Variants in CNTN1 observed in about 807,000 individuals in gnomAD.
The protein encoded by CNTN1 is contactin-1.
In CNTN1, 38 loss-of-function variants were observed where a neutral mutation model predicts 126.4. The observed-to-expected ratio is 0.30, with a 90% CI of 0.23 to 0.39. The LOEUF is 0.39. Ranked by LOEUF, CNTN1 falls within the 10% of genes least tolerant of loss-of-function variation. CNTN1 has a pLI of 1.00. For missense variants in CNTN1, 1,009 were observed against 1,248.4 expected, an observed-to-expected ratio of 0.81 and a Z score of 2.89; for synonymous variants, 413 against 422.6, an observed-to-expected ratio of 0.98 and a Z score of 0.28.
chr12:40,780,384 C>G (rs868721143), intron 1 of CNTN1, among the ~76,000 whole-genome samples: 1 of 151,640 alleles, frequency 6.6e-6, no homozygotes, highest in Non-Finnish European at 1.5e-5. Flanking sequence ...TCAAAATATT[C>G]GAGAAGAAAA....
chr12:40,808,161 A>G (rs988260691), intron 1 of CNTN1, among the ~76,000 whole-genome samples: 2 of 152,206 alleles, frequency 1.3e-5, no homozygotes, highest in Admixed American at 1.3e-4. Flanking sequence ...TTGCCTATCC[A>G]TACTGGAACA....
intron 1 of CNTN1, among the ~76,000 whole-genome samples, chr12:40,776,366 T>C (rs995034730): frequency 6.6e-6 from 1 of 151,664 alleles, no homozygotes; most frequent in Admixed American, 6.6e-5. Flanking sequence ...GTGCAAATTA[T>C]ATATCAATAA....
intron 1 of CNTN1, among the ~76,000 whole-genome samples, chr12:40,758,189 T>C (rs1938687556): frequency 6.6e-6 from 1 of 151,498 alleles, no homozygotes. Flanking sequence ...ATCACATCAG[T>C]GATTTAATGT....
chr12:41,001,221 T>C (rs902037746), intron 17 of CNTN1, among the ~76,000 whole-genome samples: 4 of 151,936 alleles, frequency 2.6e-5, no homozygotes, highest in Admixed American at 2.6e-4. Context: ...TCTTCCACAA[T>C]AGTGTATAAG....
chr12:40,777,759 C>T (rs888251211), intron 1 of CNTN1, among the ~76,000 whole-genome samples: 6 of 151,766 alleles, frequency 4.0e-5, no homozygotes, highest in South Asian at 2.1e-4. Flanking sequence ...TTTCAAACCC[C>T]GGTCCAACTG....
At chr12:40,735,538 A>G (rs932286072) in intron 1 of CNTN1, among the ~76,000 whole-genome samples, 1 of 152,130 alleles carries the variant, frequency 6.6e-6, no homozygotes, top group African/African-American at 2.4e-5. Flanking sequence ...ATTTTCAAAG[A>G]TATAAGGGAA....
rs549975223 is a variant in CNTN1 at position 41,024,937 on chromosome 12, T to C, written c.2524-213T>C. ...TGTAAAACAATTTTGGGCAATGAAGTAAGACTTTGATTCGCTTTTGGCATC... is the reference window on the plus strand; with the variant it reads ...TGTAAAACAATTTTGGGCAATGAAGCAAGACTTTGATTCGCTTTTGGCATC... On this transcript the variant is annotated intron_variant, in intron 20 of 23. Transcript: ENST00000551295. Among the ~76,000 whole-genome samples the C allele has an allele frequency of 5.8e-4, 89 of 152,186 alleles. 1 individual carries two copies. The highest frequency in any genetic ancestry group is 1.8e-4 in the Non-Finnish European group (12 of 68,032).
chr12:41,002,274 G>A (rs546750219), intron 17 of CNTN1, among the ~76,000 whole-genome samples: 2 of 151,978 alleles, frequency 1.3e-5, no homozygotes, highest in South Asian at 4.1e-4. Flanking sequence ...CACGAGCATG[G>A]AATGTTTTTC....
chr12:41,061,218 T>C (rs1949931773), intron 23 of CNTN1, among the ~76,000 whole-genome samples: 1 of 152,236 alleles, frequency 6.6e-6, no homozygotes, highest in African/African-American at 2.4e-5. Flanking sequence ...TTGTTGAGCA[T>C]GTGCTTATTG....
At chr12:40,844,777 T>G (rs1463955910) in intron 1 of CNTN1, among the ~76,000 whole-genome samples, 1 of 152,176 alleles carries the variant, frequency 6.6e-6, no homozygotes, top group African/African-American at 2.4e-5. Context: ...TAGTTAAAAG[T>G]GTAATAATAA....
chr12:40,792,950 T>G (rs1190617020), intron 1 of CNTN1, among the ~76,000 whole-genome samples: 1 of 152,004 alleles, frequency 6.6e-6, no homozygotes, highest in Non-Finnish European at 1.5e-5. Flanking sequence ...CTTCCCTTTG[T>G]GGGGGGAGAT....
chr12:41,070,448 G>T lies in CNTN1; in HGVS notation c.*413G>T. ...ATAGAGATTGAAATGTTGGTTGTAT[G>T]TGGTAAATGTAAGAGTAATACAGTC... On this transcript the variant is annotated 3_prime_UTR_variant, in exon 24 of 24. Transcript: ENST00000551295. 2 of 272,112 alleles carry T rather than the reference G, an allele frequency of 7.3e-6. No homozygotes were observed. The highest frequency in any genetic ancestry group is 8.2e-5 in the South Asian group (2 of 24,422). 16.9% of individuals were successfully genotyped at this position (272,112 alleles called of 1,614,324 possible).
chr12:40,733,438 A>G (rs1021142149), intron 1 of CNTN1, among the ~76,000 whole-genome samples: 2 of 151,902 alleles, frequency 1.3e-5, no homozygotes, highest in African/African-American at 2.4e-5. Context: ...TCATATTTTT[A>G]CTATCAAGCT....
chr12:41,030,150 AC>A (rs1949118745), intron 23 of CNTN1, among the ~76,000 whole-genome samples: 1 of 151,946 alleles, frequency 6.6e-6, no homozygotes, highest in Admixed American at 6.6e-5. Context: ...CTGCACATAT[AC>A]CCCTGAACTT....
intron 1 of CNTN1, among the ~76,000 whole-genome samples, chr12:40,749,256 A>G (rs1938300256): frequency 6.6e-6 from 1 of 152,162 alleles, no homozygotes; most frequent in South Asian, 2.1e-4. Context: ...GATTTCACAT[A>G]GTGGACCAGT....
chr12:40,970,120 G>A (rs765597733), intron 15 of CNTN1, among the ~76,000 whole-genome samples: 6 of 152,118 alleles, frequency 3.9e-5, no homozygotes, highest in Non-Finnish European at 5.9e-5. Flanking sequence ...AAGCAACTTG[G>A]AGGACCACTA....
intron 1 of CNTN1, among the ~76,000 whole-genome samples, chr12:40,727,132 C>T (rs917543445): frequency 2.7e-5 from 4 of 150,014 alleles, no homozygotes; most frequent in Non-Finnish European, 4.4e-5. Flanking sequence ...ATGCGTGATA[C>T]ACTATAATAA....
rs139557672 is a variant in CNTN1 at position 40,871,976 on chromosome 12, A to G, written c.-76-36381A>G. ...AATTTATATTTGTTTTTTGTCCACCACTGAATGAGATTGGATAGTCTTTGA... is the reference window on the plus strand; with the variant it reads ...AATTTATATTTGTTTTTTGTCCACCGCTGAATGAGATTGGATAGTCTTTGA... On this transcript the variant is annotated intron_variant, in intron 1 of 23. Coordinates refer to ENST00000551295, the MANE Select transcript of CNTN1 (RefSeq NM_001843.4). 3.1e-3 allele frequency among the ~76,000 whole-genome samples: 476 copies of G among 152,228 alleles called. 3 individuals are homozygous for G. The highest frequency in any genetic ancestry group is 0.01 in the Middle Eastern group (3 of 294).
At chr12:40,902,191 C>CCA (rs1944632866) in intron 1 of CNTN1, among the ~76,000 whole-genome samples, 2 of 152,300 alleles carry the variant, frequency 1.3e-5, no homozygotes, top group Middle Eastern at 3.4e-3. Context: ...AGCTTTACAT[C>CCA]CACACACACA....
Sources: allele counts gnomAD v4.1 joint callset (sites outside exome capture counted in the v4.1 genomes callset), GRCh38; gene constraint gnomAD v4.1.1; transcripts MANE v1.5; gene names NCBI Gene and HGNC (gene_info 2026-07-23, HGNC 2026-07-21).